The following LHPP variants were observed in gnomAD, a reference collection of about 807,000 sequenced individuals.
The protein encoded by LHPP is phospholysine phosphohistidine inorganic pyrophosphate phosphatase, also known as hLHPP.
In LHPP, 24 loss-of-function variants were observed where a neutral mutation model predicts 30.3. The ratio of observed to expected loss-of-function variants is 0.79; its 90% CI spans 0.57 to 1.11. LHPP has a LOEUF of 1.11. Ranked by LOEUF, LHPP falls within the 50% of genes most tolerant of loss-of-function variation. LHPP has a pLI of 0.00. For missense variants in LHPP, 356 were observed against 367.2 expected, an observed-to-expected ratio of 0.97 and a Z score of 0.25; for synonymous variants, 150 against 157.1, an observed-to-expected ratio of 0.95 and a Z score of 0.34.
rs150665448 is a variant in LHPP at position 124,509,240 on chromosome 10, T to C, written c.625-7940T>C. Among the ~76,000 whole-genome samples the C allele has an allele frequency of 2.9e-3, 438 of 152,354 alleles. 2 individuals are homozygous for C. Among genetic ancestry groups the C allele is most frequent in the African/African-American group, 9.5e-3 (394 of 41,584 alleles). On this transcript the variant is annotated intron_variant, in intron 5 of 6. Coordinates refer to ENST00000368842, the MANE Select transcript of LHPP (RefSeq NM_022126.4). Reference sequence around the variant, plus strand: ...TAGGGGACAGCTGTCTTTGTGCTTATTGAAGCACTTTAACGAAGCAGTTTT... The same window carrying C: ...TAGGGGACAGCTGTCTTTGTGCTTACTGAAGCACTTTAACGAAGCAGTTTT...
chr10:124,547,478 A>T (rs2133953828), intron 6 of LHPP, among the ~76,000 whole-genome samples: 1 of 152,318 alleles, frequency 6.6e-6, no homozygotes, highest in African/African-American at 2.4e-5. Flanking sequence ...CCCAGTGTCC[A>T]CCCACAGAGG....
In LHPP at chr10:124,544,932, G is replaced by C. The variant is rs1456343902; in HGVS notation, c.716+27661G>C. Among the ~76,000 whole-genome samples the C allele has an allele frequency of 3.9e-5, 6 of 152,348 alleles. No homozygotes were observed. In the East Asian group the frequency reaches 1.2e-3, roughly 29 times the overall value. On this transcript the variant is annotated intron_variant, in intron 6 of 6. Coordinates refer to ENST00000368842, the MANE Select transcript of LHPP (RefSeq NM_022126.4). Reference sequence around the variant, plus strand: ...ATGTGCGCAGGGCTGTGCATGGGCGGCCTGGGTTGGGCTTCCTTTCTCGGC... The same window carrying C: ...ATGTGCGCAGGGCTGTGCATGGGCGCCCTGGGTTGGGCTTCCTTTCTCGGC...
chr10:124,556,728 A>G (rs12258489), intron 6 of LHPP, among the ~76,000 whole-genome samples: 16,969 of 152,218 alleles, frequency 0.11, 1,298 homozygotes, highest in East Asian at 0.27. Flanking sequence ...GCCTCCATCA[A>G]TGGGAAAAGA....
At chr10:124,602,030 C>G (rs971632275) in intron 6 of LHPP, among the ~76,000 whole-genome samples, 4 of 152,214 alleles carry the variant, frequency 2.6e-5, no homozygotes, top group African/African-American at 9.7e-5. Context: ...TGCCCCAGCT[C>G]CATCCGGGGG....
At chr10:124,574,305 ATCGCCAGCAGCAGGC>A (rs1948628930) in intron 6 of LHPP, among the ~76,000 whole-genome samples, 1 of 152,208 alleles carries the variant, frequency 6.6e-6, no homozygotes, top group Non-Finnish European at 1.5e-5. Flanking sequence ...AGCCGGGAGC[ATCGCCAGCAGCAGGC>A]TCGCCCCCCT....
At chr10:124,481,864 C>T (rs997742531) in intron 1 of LHPP, among the ~76,000 whole-genome samples, 2 of 152,196 alleles carry the variant, frequency 1.3e-5, no homozygotes, top group Non-Finnish European at 2.9e-5. Flanking sequence ...CTTGTCCGTC[C>T]CTCAGGTCTC....
At chr10:124,612,231 C>T (rs1949211523) in intron 6 of LHPP, among the ~76,000 whole-genome samples, 1 of 152,068 alleles carries the variant, frequency 6.6e-6, no homozygotes, top group Non-Finnish European at 1.5e-5. Flanking sequence ...TGGCGAAACC[C>T]TATCTCTACA....
chr10:124,543,328 C>T (rs757262616), intron 6 of LHPP, among the ~76,000 whole-genome samples: 3 of 152,246 alleles, frequency 2.0e-5, no homozygotes, highest in Admixed American at 6.5e-5. Flanking sequence ...CCCCTAGACA[C>T]CCCCGGTCGG....
intron 6 of LHPP, among the ~76,000 whole-genome samples, chr10:124,519,625 G>T (rs1040630068): frequency 3.8e-4 from 57 of 151,978 alleles, no homozygotes; most frequent in Non-Finnish European, 1.5e-4. Flanking sequence ...AAAGTCCATT[G>T]TATTATTTTT....
chr10:124,507,084 G>T (rs1483529641), intron 5 of LHPP, among the ~76,000 whole-genome samples: 1 of 8,030 alleles, frequency 1.2e-4, no homozygotes, highest in Non-Finnish European at 2.0e-4. Context: ...GATTTCAGGT[G>T]GGGGGGTAGG....
chr10:124,518,829 G>A (rs972145989), intron 6 of LHPP, among the ~76,000 whole-genome samples: 1 of 152,242 alleles, frequency 6.6e-6, no homozygotes, highest in East Asian at 1.9e-4. Context: ...CCCTACGCCA[G>A]CAAGGGTTGG....
At chr10:124,569,104 C>T (rs1948543354) in intron 6 of LHPP, among the ~76,000 whole-genome samples, 1 of 152,180 alleles carries the variant, frequency 6.6e-6, no homozygotes, top group South Asian at 2.1e-4. Context: ...TTGTCCCCCT[C>T]CACATGCACA....
At chr10:124,611,003 AATGAAGCGGGT>A (rs1949189513) in intron 6 of LHPP, among the ~76,000 whole-genome samples, 1 of 10,056 alleles carries the variant, frequency 9.9e-5, no homozygotes. Context: ...TGAGGGTGTT[AATGAAGCGGGT>A]GCGGGTGAGG....
intron 6 of LHPP, among the ~76,000 whole-genome samples, chr10:124,542,607 A>T (rs1437095316): frequency 6.6e-6 from 1 of 152,036 alleles, no homozygotes; most frequent in African/African-American, 2.4e-5. Flanking sequence ...GCAGGCTGGT[A>T]CCAGCCTGGG....
chr10:124,610,311 C>T (rs936977868), intron 6 of LHPP, among the ~76,000 whole-genome samples: 14 of 140,628 alleles, frequency 1.0e-4, no homozygotes, highest in Admixed American at 4.2e-4. Flanking sequence ...GGAGCGGGTG[C>T]GGGTGTGGGT....
chr10:124,560,441 T>C (rs1323234938), intron 6 of LHPP, among the ~76,000 whole-genome samples: 5 of 152,214 alleles, frequency 3.3e-5, no homozygotes, highest in Non-Finnish European at 7.3e-5. Flanking sequence ...GCGTTTGCAA[T>C]TTGGCCTGCA....
intron 6 of LHPP, among the ~76,000 whole-genome samples, chr10:124,553,039 C>T (rs941565721): frequency 1.3e-5 from 2 of 152,354 alleles, no homozygotes; most frequent in South Asian, 2.1e-4. Flanking sequence ...CAGCGCTCCG[C>T]GGCCTCCTAG....
rs540380652 is a variant in LHPP, at chr10:124,526,919, G to T, written c.716+9648G>T. Reference sequence around the variant, plus strand: ...GGCCGCAGCAAGCAGGGGAAGAAGGGGCCCGCAGTGAACTTGCAGCAGGAG... The same window carrying T: ...GGCCGCAGCAAGCAGGGGAAGAAGGTGCCCGCAGTGAACTTGCAGCAGGAG... On this transcript the variant is annotated intron_variant, in intron 6 of 6. Transcript: ENST00000368842. Among the ~76,000 whole-genome samples, 167 of 152,358 alleles carry T rather than the reference G, an allele frequency of 1.1e-3. 1 individual carries two copies. The highest frequency in any genetic ancestry group is 3.7e-3 in the African/African-American group (155 of 41,580).
In LHPP at chr10:124,496,961, G is replaced by A; in HGVS notation, c.468G>A (p.Gly156=). The A allele has an allele frequency of 1.9e-6, 3 of 1,613,822 alleles. No homozygotes were observed. The highest frequency in any genetic ancestry group is 2.5e-6 in the Non-Finnish European group (3 of 1,179,786). Reference sequence around the variant, plus strand: ...CGTGCTCCGTTCTGCTCTCTCCTAGGCGTTACTACAAGGAGACCTCTGGCC... The same window carrying A: ...CGTGCTCCGTTCTGCTCTCTCCTAGACGTTACTACAAGGAGACCTCTGGCC... ...EKPVLISLGK[G]RYYKETSGLM... is the part of the protein sequence containing the mutation. Residue 156 remains glycine (G), a splice_region_variant and synonymous_variant, in exon 4 of 7, where the codon GGG becomes GGA. Transcript: ENST00000368842. This position sits in a 1 kb window ranked among gnomAD's most constrained non-coding sequence, Gnocchi z 4.3.
Sources: allele counts gnomAD v4.1 joint callset (sites outside exome capture counted in the v4.1 genomes callset), GRCh38; gene constraint gnomAD v4.1.1; non-coding constraint Gnocchi (gnomAD v3.1); transcripts MANE v1.5; gene names NCBI Gene and HGNC (gene_info 2026-07-23, HGNC 2026-07-21).